The following IRGM variants were observed in gnomAD, a reference collection of about 807,000 sequenced individuals.
IRGM encodes immunity related GTPase M, also known as immunity-related GTPase family M protein.
For missense variants in IRGM, 288 were observed against 219.9 expected (o/e 1.31, Z -1.96); for synonymous variants, 98 against 80.6 (o/e 1.22, Z -1.16).
intron 1 of IRGM, among the ~76,000 whole-genome samples, chr5:150,870,238 C>T (rs1323388078): frequency 6.6e-6 from 1 of 152,132 alleles, no homozygotes; most frequent in East Asian, 1.9e-4. Flanking sequence ...CATAGGTGCA[C>T]ATCCCTAACC....
intron 1 of IRGM, among the ~76,000 whole-genome samples, chr5:150,865,836 A>G (rs1754200065): frequency 6.6e-6 from 1 of 152,078 alleles, no homozygotes; most frequent in Non-Finnish European, 1.5e-5. Flanking sequence ...GGCTCACTGC[A>G]GACTCTGCCT....
At chr5:150,882,227 G>GA (rs58354510) in intron 3 of IRGM, among the ~76,000 whole-genome samples, 30,005 of 136,544 alleles carry the variant, frequency 0.22, 4,829 homozygotes, top group African/African-American at 0.45. Flanking sequence ...TCAAAAAAAA[G>GA]AAAAAAAAAA....
exon 2 of IRGM, chr5:150,878,018 C>T (rs766203126): frequency 1.1e-4 from 50 of 458,116 alleles, no homozygotes; most frequent in Admixed American, 3.8e-4. Context: ...ACCACAGCCA[C>T]GTACCTCTTG....
At chr5:150,856,091 G>T (rs1754045021) in intron 1 of IRGM, among the ~76,000 whole-genome samples, 1 of 152,070 alleles carries the variant, frequency 6.6e-6, no homozygotes, top group Non-Finnish European at 1.5e-5. Flanking sequence ...TTAAAAGTAT[G>T]TATATATATG....
rs1162283194 is a variant in IRGM, at chr5:150,896,949, G to A, written c.*141-3640G>A. The A allele has an allele frequency of 1.9e-6, 3 of 1,611,482 alleles. No individual in the cohort carries two copies. The African/African-American group carries it at 4.0e-5, about 22-fold the overall frequency. On this transcript the variant is annotated intron_variant and NMD_transcript_variant, in intron 3 of 3. Transcript: ENST00000520549. Reference sequence around the variant, plus strand: ...AACTGTCCCCAAAATACATGACTGGGAGTTGTGAAGGTTACTCTTCCTGTC... The same window carrying A: ...AACTGTCCCCAAAATACATGACTGGAAGTTGTGAAGGTTACTCTTCCTGTC...
At chr5:150,858,160 C>A (rs1295280429) in intron 1 of IRGM, among the ~76,000 whole-genome samples, 2 of 151,654 alleles carry the variant, frequency 1.3e-5, no homozygotes, top group Non-Finnish European at 3.0e-5. Flanking sequence ...CCAGTTTTCC[C>A]AGCACCATTT....
At chr5:150,895,876 G>A (rs1430953572) in intron 3 of IRGM, 2 of 1,613,620 alleles carry the variant, frequency 1.2e-6, no homozygotes, top group Admixed American at 1.7e-5. Flanking sequence ...ACTAACTGAT[G>A]TGTAATGAGT....
At chr5:150,898,529 G>T (rs564092887) in intron 3 of IRGM, 1 of 1,612,414 alleles carries the variant, frequency 6.2e-7, no homozygotes, top group East Asian at 2.2e-5. Flanking sequence ...GAAATCCACA[G>T]CCACATCCTT....
intron 3 of IRGM, among the ~76,000 whole-genome samples, chr5:150,889,756 T>C (rs1754579763): frequency 6.6e-6 from 1 of 152,102 alleles, no homozygotes; most frequent in African/African-American, 2.4e-5. Context: ...TTTTAGATGA[T>C]TTTTGTCAAA....
chr5:150,884,236 C>G (rs1168848399), intron 3 of IRGM, among the ~76,000 whole-genome samples: 4 of 151,890 alleles, frequency 2.6e-5, no homozygotes, highest in African/African-American at 7.2e-5. Flanking sequence ...TATATTTATA[C>G]TTTATACTTA....
intron 1 of IRGM, among the ~76,000 whole-genome samples, chr5:150,865,764 CTT>C (rs200464256): frequency 3.3e-5 from 5 of 149,586 alleles, no homozygotes; most frequent in Non-Finnish European, 4.5e-5. Context: ...GAAAAGATGA[CTT>C]TTTTTTTTGA....
At chr5:150,889,400 T>C (rs933726887) in intron 3 of IRGM, among the ~76,000 whole-genome samples, 2 of 151,992 alleles carry the variant, frequency 1.3e-5, no homozygotes, top group Admixed American at 6.6e-5. Flanking sequence ...ATCACAAGAA[T>C]AGCACAGGAA....
downstream of IRGM, chr5:150,848,787 T>TGTA (rs1753929312): frequency 2.8e-6 from 2 of 705,790 alleles, no homozygotes; most frequent in African/African-American, 3.6e-5. Flanking sequence ...TTCGGGGGCA[T>TGTA]GTAGAGAGTG....
intron 1 of IRGM, among the ~76,000 whole-genome samples, chr5:150,870,818 T>C (rs1050748740): frequency 6.6e-6 from 1 of 151,148 alleles, no homozygotes; most frequent in African/African-American, 2.5e-5. Context: ...TCATTTGTTT[T>C]GCTTAACTGT....
At chr5:150,857,524 A>T (rs1754075247) in intron 1 of IRGM, among the ~76,000 whole-genome samples, 1 of 151,942 alleles carries the variant, frequency 6.6e-6, no homozygotes, top group Admixed American at 6.6e-5. Context: ...ACAATGGTTG[A>T]ACTAGTTTAC....
intron 2 of IRGM, among the ~76,000 whole-genome samples, chr5:150,878,977 A>T (rs1754406092): frequency 6.6e-6 from 1 of 152,152 alleles, no homozygotes; most frequent in Non-Finnish European, 1.5e-5. Flanking sequence ...AGCAAAATTC[A>T]ATGACTTGGA....
intron 1 of IRGM, among the ~76,000 whole-genome samples, chr5:150,874,525 T>C (rs764397287): frequency 6.6e-6 from 1 of 152,214 alleles, no homozygotes; most frequent in Non-Finnish European, 1.5e-5. Context: ...GCATAACACC[T>C]AATGGGCCTA....
chr5:150,896,814 T>A lies in IRGM; in HGVS notation c.*141-3775T>A. On this transcript the variant is annotated intron_variant and NMD_transcript_variant, in intron 3 of 3. Transcript: ENST00000520549. ...AAATGTGACCTGCCTGAAGAGTTTGTCTTGATTCTCTAGAAATCTCTGCAG... is the reference window on the plus strand; with the variant it reads ...AAATGTGACCTGCCTGAAGAGTTTGACTTGATTCTCTAGAAATCTCTGCAG... The A allele has an allele frequency of 1.2e-6, 2 of 1,613,780 alleles. 1 individual carries two copies. Among genetic ancestry groups the A allele is most frequent in the Middle Eastern group, 3.3e-4 (2 of 6,062 alleles).
At chr5:150,853,472 T>C (rs1036590317), downstream of IRGM, among the ~76,000 whole-genome samples, 4 of 152,114 alleles carry the variant, frequency 2.6e-5, no homozygotes, top group African/African-American at 9.6e-5. Flanking sequence ...AGACTGGTGG[T>C]TCTATCCAGC....
Sources: gnomAD v4.1 joint callset for allele counts (sites outside exome capture counted in the v4.1 genomes callset) on GRCh38, gnomAD v4.1.1 for gene constraint, MANE v1.5 for transcripts, NCBI Gene and HGNC (gene_info 2026-07-23, HGNC 2026-07-21) for gene names.